Variants in AR observed in about 807,000 individuals in gnomAD.
The protein encoded by AR is androgen receptor.
In AR, 8 loss-of-function variants were observed where a neutral mutation model predicts 53.9. The ratio of observed to expected loss-of-function variants is 0.15; its 90% CI spans 0.09 to 0.27. AR has a LOEUF of 0.27. Among genes scored for constraint, AR ranks in the 10% least tolerant of loss-of-function variants. AR has a pLI of 1.00. For missense variants in AR, 639 were observed against 742.5 expected (o/e 0.86, Z 1.62); for synonymous variants, 359 against 316.4 (o/e 1.13, Z -1.43).
intron 1 of AR, among the ~76,000 whole-genome samples, chrX:67,637,067 A>G (rs1452759036): frequency 8.9e-6 from 1 of 111,790 alleles, no homozygotes; most frequent in Non-Finnish European, 1.9e-5. Context: ...TTTTCACTTT[A>G]GTATGGATGA....
chrX:67,714,631 C>T (rs1260265105), intron 4 of AR, among the ~76,000 whole-genome samples: 1 of 112,159 alleles, frequency 8.9e-6, no homozygotes, highest in Admixed American at 9.5e-5. Flanking sequence ...AGTGAGAAAA[C>T]AGAGTCTCAA....
intron 1 of AR, among the ~76,000 whole-genome samples, chrX:67,599,772 C>T (rs1056933687): frequency 5.3e-4 from 60 of 112,175 alleles, no homozygotes; most frequent in African/African-American, 1.7e-3. Flanking sequence ...TGAAGCTAAG[C>T]GACAAAGCTG....
intron 1 of AR, among the ~76,000 whole-genome samples, chrX:67,634,230 A>C (rs1925316140): frequency 1.8e-5 from 2 of 111,687 alleles, no homozygotes; most frequent in Non-Finnish European, 3.8e-5. Flanking sequence ...TCTAAGTATC[A>C]GTTTGCATAT....
At chrX:67,594,389 G>T (rs1316596584) in intron 1 of AR, among the ~76,000 whole-genome samples, 1 of 111,086 alleles carries the variant, frequency 9.0e-6, no homozygotes, top group East Asian at 2.8e-4. Flanking sequence ...TAGTATACAT[G>T]GTAAACCACA....
intron 2 of AR, among the ~76,000 whole-genome samples, chrX:67,667,832 A>G (rs1041254270): frequency 9.0e-6 from 1 of 110,827 alleles, no homozygotes; most frequent in African/African-American, 3.3e-5. Context: ...CCTATTGACA[A>G]TGGGATTGCT....
chrX:67,716,052 A>G (rs2076111861), intron 4 of AR, among the ~76,000 whole-genome samples: 1 of 111,811 alleles, frequency 8.9e-6, no homozygotes, highest in Admixed American at 9.5e-5. Context: ...GGTAATTTGG[A>G]GATCATTTAA....
At chrX:67,577,874 T>C (rs891741287) in intron 1 of AR, among the ~76,000 whole-genome samples, 2 of 111,826 alleles carry the variant, frequency 1.8e-5, no homozygotes, top group African/African-American at 6.5e-5. Context: ...ATGTTTGTCA[T>C]TTTAGGGATG....
intron 3 of AR, among the ~76,000 whole-genome samples, chrX:67,707,657 T>C (rs778818736): frequency 1.2e-4 from 14 of 112,002 alleles, no homozygotes; most frequent in Non-Finnish European, 2.3e-4. Context: ...AGGTTAATAT[T>C]GTTATATGTG....
At chrX:67,552,583 A>C (rs948338722) in intron 1 of AR, among the ~76,000 whole-genome samples, 5 of 112,429 alleles carry the variant, frequency 4.4e-5, no homozygotes, top group African/African-American at 1.6e-4. Context: ...GAGTCATATG[A>C]TACCTCTGTG....
intron 2 of AR, among the ~76,000 whole-genome samples, chrX:67,660,157 G>C (rs1175614044): frequency 8.9e-6 from 1 of 111,979 alleles, no homozygotes; most frequent in Non-Finnish European, 1.9e-5. Flanking sequence ...CTCCCATTCT[G>C]TAGGTTGCCT....
intron 3 of AR, among the ~76,000 whole-genome samples, chrX:67,700,013 G>A (rs1378111593): frequency 2.7e-5 from 3 of 111,115 alleles, no homozygotes; most frequent in Admixed American, 1.9e-4. Flanking sequence ...GCTCCCACAG[G>A]GGTCTAATGC....
intron 4 of AR, among the ~76,000 whole-genome samples, chrX:67,712,307 G>C (rs887805187): frequency 8.9e-6 from 1 of 111,953 alleles, no homozygotes; most frequent in Non-Finnish European, 1.9e-5. Flanking sequence ...AAAAAGGAAC[G>C]CTTTTTGCAC....
At chrX:67,699,879 T>G (rs1477043224) in intron 3 of AR, among the ~76,000 whole-genome samples, 1 of 110,996 alleles carries the variant, frequency 9.0e-6, no homozygotes, top group Non-Finnish European at 1.9e-5. Context: ...TGGCCAGGAG[T>G]GAGACTGGAA....
chrX:67,611,957 A>T (rs912923763), intron 1 of AR, among the ~76,000 whole-genome samples: 2 of 109,476 alleles, frequency 1.8e-5, no homozygotes, highest in African/African-American at 6.6e-5. Flanking sequence ...AACTCAGAGA[A>T]TTTTTTTTTT....
chrX:67,546,331 C>T lies in AR; in HGVS notation c.1185C>T (p.Tyr395=), dbSNP rs1555969807. The T allele has an allele frequency of 8.4e-7, 1 of 1,194,448 alleles. No homozygotes were observed. The stretch of plus-strand genomic sequence containing the variant: ...TCAAGCTGGAGAACCCGCTGGACTA[C>T]GGCAGCGCCTGGGCGGCTGCGGCGG... The part of the protein sequence containing the change: ...ARIKLENPLD[Y]GSAWAAAAAQ... The change falls in exon 1 of 8, where the codon TAC becomes TAT. Residue 395 remains tyrosine (Y), a synonymous_variant. Transcript: ENST00000374690.
intron 1 of AR, among the ~76,000 whole-genome samples, chrX:67,640,673 T>C (rs1925707755): frequency 9.0e-6 from 1 of 111,508 alleles, no homozygotes; most frequent in Admixed American, 9.6e-5. Flanking sequence ...ATCCCCTTTA[T>C]CATTTTTTAT....
intron 1 of AR, among the ~76,000 whole-genome samples, chrX:67,568,053 G>A (rs1270143124): frequency 9.0e-6 from 1 of 111,121 alleles, no homozygotes; most frequent in African/African-American, 3.3e-5. Flanking sequence ...ATGGCAGGCA[G>A]AGTAGCCCCT....
chrX:67,620,320 G>T (rs756143411), intron 1 of AR, among the ~76,000 whole-genome samples: 1 of 109,301 alleles, frequency 9.1e-6, no homozygotes, highest in Admixed American at 9.9e-5. Flanking sequence ...GGTAAATGCT[G>T]CTTTTCTGCC....
intron 1 of AR, among the ~76,000 whole-genome samples, chrX:67,629,102 T>C (rs1411285116): frequency 9.0e-6 from 1 of 111,513 alleles, no homozygotes; most frequent in Non-Finnish European, 1.9e-5. Context: ...AATTCTCTTT[T>C]TTGGTTGTGT....
Sources: allele counts gnomAD v4.1 joint callset (sites outside exome capture counted in the v4.1 genomes callset), GRCh38; gene constraint gnomAD v4.1.1; transcripts MANE v1.5; gene names NCBI Gene and HGNC (gene_info 2026-07-23, HGNC 2026-07-21).